GUCY1A2: variants seen among roughly 807,000 people sequenced by gnomAD.
The protein encoded by GUCY1A2 is guanylate cyclase 1 soluble subunit alpha 2.
Under a neutral mutation model 63.5 loss-of-function variants are expected in GUCY1A2, and 27 were observed. The ratio of observed to expected loss-of-function variants is 0.43; its 90% CI spans 0.31 to 0.59. GUCY1A2 has a LOEUF of 0.59. Among genes scored for constraint, GUCY1A2 ranks in the 20% least tolerant of loss-of-function variants. The pLI is 0.11. For missense variants in GUCY1A2, 768 were observed against 913.3 expected, an observed-to-expected ratio of 0.84 and a Z score of 2.05; for synonymous variants, 364 against 343.5, an observed-to-expected ratio of 1.06 and a Z score of -0.66.
chr11:106,901,412 T>C (rs764653326), intron 4 of GUCY1A2, among the ~76,000 whole-genome samples: 15 of 152,196 alleles, frequency 9.9e-5, no homozygotes, highest in Non-Finnish European at 2.1e-4. Flanking sequence ...TCTGTTAATA[T>C]TGACATTTTG....
chr11:106,752,910 T>C (rs935181405), intron 6 of GUCY1A2, among the ~76,000 whole-genome samples: 1 of 152,148 alleles, frequency 6.6e-6, no homozygotes, highest in East Asian at 1.9e-4. Flanking sequence ...GTAATTCTGG[T>C]TCTAGATCCT....
chr11:106,928,250 C>A (rs1452880732), intron 4 of GUCY1A2, among the ~76,000 whole-genome samples: 2 of 152,132 alleles, frequency 1.3e-5, no homozygotes, highest in Non-Finnish European at 1.5e-5. Flanking sequence ...AAAAAAGAGT[C>A]ACTGCTTCAC....
chr11:106,701,852 T>C (rs149697344), intron 7 of GUCY1A2, among the ~76,000 whole-genome samples: 1 of 152,344 alleles, frequency 6.6e-6, no homozygotes, highest in East Asian at 1.9e-4. Flanking sequence ...TTAATCATTA[T>C]GCATTGTAAA....
chr11:106,969,679 C>T (rs1861170266), intron 3 of GUCY1A2, among the ~76,000 whole-genome samples: 1 of 152,044 alleles, frequency 6.6e-6, no homozygotes, highest in Non-Finnish European at 1.5e-5. Flanking sequence ...GATTACAGGC[C>T]CACAATCATG....
At chr11:106,797,567 C>T (rs1370111806) in intron 5 of GUCY1A2, among the ~76,000 whole-genome samples, 4 of 152,118 alleles carry the variant, frequency 2.6e-5, no homozygotes, top group Admixed American at 2.0e-4. Context: ...AACAAACTGT[C>T]TCTCAGACCA....
chr11:106,714,016 C>CT (rs756765630), intron 6 of GUCY1A2, among the ~76,000 whole-genome samples: 14,229 of 146,846 alleles, frequency 0.097, 842 homozygotes, highest in Middle Eastern at 0.17. Context: ...TTTTTCTTTT[C>CT]TTTCTGTTAA....
At chr11:107,001,212 G>A (rs1861608076) in intron 1 of GUCY1A2, among the ~76,000 whole-genome samples, 1 of 152,166 alleles carries the variant, frequency 6.6e-6, no homozygotes, top group Non-Finnish European at 1.5e-5. Context: ...CAGAGCAGTA[G>A]GTGGGGATAT....
intron 4 of GUCY1A2, among the ~76,000 whole-genome samples, chr11:106,823,475 T>A (rs1858928979): frequency 6.6e-6 from 1 of 152,190 alleles, no homozygotes; most frequent in Non-Finnish European, 1.5e-5. Context: ...TATACCACAT[T>A]TTTAAAATAA....
At chr11:106,692,452 A>G (rs1170682170) in intron 7 of GUCY1A2, among the ~76,000 whole-genome samples, 1 of 152,140 alleles carries the variant, frequency 6.6e-6, no homozygotes, top group Non-Finnish European at 1.5e-5. Flanking sequence ...ATGGAGGTCC[A>G]TGGAGCTTCT....
At chr11:106,783,065 C>T (rs140275053) in intron 5 of GUCY1A2, among the ~76,000 whole-genome samples, 1 of 152,242 alleles carries the variant, frequency 6.6e-6, no homozygotes, top group African/African-American at 2.4e-5. Context: ...AGCCTTGAAC[C>T]CAGCCTTTCG....
intron 5 of GUCY1A2, among the ~76,000 whole-genome samples, chr11:106,787,590 A>AAGGGGAGGGTG (rs1467616013): frequency 2.3e-4 from 31 of 135,678 alleles, no homozygotes; most frequent in Non-Finnish European, 3.7e-4. Flanking sequence ...AAGAAAAAGG[A>AAGGGGAGGGTG]AGGGAAGGGA....
Position 106,986,364 on chromosome 11 carries a change from T to C in GUCY1A2, c.304-233A>G, listed in dbSNP as rs373345887. Among the ~76,000 whole-genome samples, 4 of 152,306 alleles carry C rather than the reference T, an allele frequency of 2.6e-5. 1 individual carries two copies. Among genetic ancestry groups the C allele is most frequent in the Admixed American group, 6.5e-5 (1 of 15,294 alleles). On this transcript the variant is annotated intron_variant, in intron 1 of 7. Transcript: ENST00000526355. ...CAATTATGATAGTATTTCCTAGGAA[T>C]GTTTTCTTCAATTCTTTTGTAACAG...
chr11:106,818,837 C>T (rs974949308), intron 4 of GUCY1A2, among the ~76,000 whole-genome samples: 4 of 152,166 alleles, frequency 2.6e-5, no homozygotes, highest in African/African-American at 9.6e-5. Flanking sequence ...AAGATCAAAT[C>T]AGCCATTACA....
intron 6 of GUCY1A2, among the ~76,000 whole-genome samples, chr11:106,762,811 T>A (rs1476214459): frequency 6.6e-6 from 1 of 152,112 alleles, no homozygotes; most frequent in African/African-American, 2.4e-5. Flanking sequence ...AGTATAGTTT[T>A]CTTTTATGGT....
chr11:106,934,456 C>T (rs1565336280), intron 4 of GUCY1A2, among the ~76,000 whole-genome samples: 2 of 152,246 alleles, frequency 1.3e-5, no homozygotes, highest in East Asian at 1.9e-4. Context: ...TGTCTTTCAA[C>T]GGTTTCATTA....
chr11:106,969,773 C>T (rs971445972), intron 3 of GUCY1A2, among the ~76,000 whole-genome samples: 1 of 152,038 alleles, frequency 6.6e-6, no homozygotes, highest in African/African-American at 2.4e-5. Context: ...GTAACAGAAG[C>T]AGTTGAGGGG....
At chr11:106,812,617 A>G (rs997580618) in intron 4 of GUCY1A2, among the ~76,000 whole-genome samples, 2 of 151,936 alleles carry the variant, frequency 1.3e-5, no homozygotes, top group Non-Finnish European at 1.5e-5. Context: ...GTATGTATGT[A>G]TGCATAAATT....
rs560165350 is a variant in GUCY1A2 at position 106,773,992 on chromosome 11, T to A, written c.1836+2447A>T. 1.3e-3 allele frequency among the ~76,000 whole-genome samples: 195 copies of A among 152,256 alleles called. 1 individual carries two copies. Among genetic ancestry groups the A allele is most frequent in the African/African-American group, 4.6e-3 (190 of 41,558 alleles). On this transcript the variant is annotated intron_variant, in intron 6 of 7. Transcript: ENST00000526355. ...AGTTTTATAATATGAATTTTTACAT[T>A]TACCTCCCACACCAAAAATTGATTT...
At chr11:106,761,017 T>C (rs1248186116) in intron 6 of GUCY1A2, among the ~76,000 whole-genome samples, 2 of 152,164 alleles carry the variant, frequency 1.3e-5, no homozygotes, top group South Asian at 4.1e-4. Context: ...TTTCCACCTC[T>C]TTCATATAAT....
Sources: gnomAD v4.1 joint callset for allele counts (sites outside exome capture counted in the v4.1 genomes callset) on GRCh38, gnomAD v4.1.1 for gene constraint, MANE v1.5 for transcripts, NCBI Gene and HGNC (gene_info 2026-07-23, HGNC 2026-07-21) for gene names.